The following SUCLA2 variants were observed in gnomAD, a reference collection of about 807,000 sequenced individuals.
SUCLA2 encodes the protein succinate--CoA ligase [ADP-forming] subunit beta, mitochondrial.
In SUCLA2, 30 loss-of-function variants were observed where a neutral mutation model predicts 54.8. The ratio of observed to expected loss-of-function variants is 0.55; its 90% CI spans 0.41 to 0.74. The LOEUF is 0.74. Ranked by LOEUF, SUCLA2 falls within the 30% of genes least tolerant of loss-of-function variation. The pLI is 0.00. For synonymous variants in SUCLA2, 172 were observed against 188.9 expected, an observed-to-expected ratio of 0.91 and a Z score of 0.74; for missense variants, 476 against 562.9, an observed-to-expected ratio of 0.85 and a Z score of 1.56.
intron 1 of SUCLA2, among the ~76,000 whole-genome samples, chr13:48,000,334 C>T (rs115745313): frequency 0.028 from 4,303 of 152,278 alleles, 96 homozygotes; most frequent in South Asian, 0.081. Flanking sequence ...CTCAAGTACA[C>T]GGCTTTAGAA....
intron 4 of SUCLA2, among the ~76,000 whole-genome samples, chr13:47,976,668 T>C (rs1950016202): frequency 6.6e-6 from 1 of 152,188 alleles, no homozygotes; most frequent in South Asian, 2.1e-4. Flanking sequence ...CCTGATTTTT[T>C]AACAGGTTGA....
chr13:47,947,820 C>G (rs1201575673), intron 10 of SUCLA2, among the ~76,000 whole-genome samples: 4 of 152,118 alleles, frequency 2.6e-5, no homozygotes, highest in Non-Finnish European at 4.4e-5. Context: ...AAAATCCAGA[C>G]TATGAGAAAC....
chr13:47,957,315 GCTTT>G (rs1325788295), intron 6 of SUCLA2, among the ~76,000 whole-genome samples: 2 of 152,192 alleles, frequency 1.3e-5, no homozygotes, highest in East Asian at 3.8e-4. Flanking sequence ...TCAGTAATTG[GCTTT>G]CTGTGTGGCG....
chr13:47,998,540 T>C (rs1168048206), intron 1 of SUCLA2, among the ~76,000 whole-genome samples: 1 of 152,162 alleles, frequency 6.6e-6, no homozygotes, highest in Non-Finnish European at 1.5e-5. Context: ...GTGGTATATG[T>C]ATATAATAGT....
At chr13:47,963,700 G>A (rs950958455) in intron 6 of SUCLA2, among the ~76,000 whole-genome samples, 29 of 151,882 alleles carry the variant, frequency 1.9e-4, no homozygotes, top group South Asian at 6.2e-4. Context: ...TTTTATGTAC[G>A]TGTACAAACA....
chr13:47,963,379 C>A (rs1949887821), intron 6 of SUCLA2, among the ~76,000 whole-genome samples: 1 of 152,190 alleles, frequency 6.6e-6, no homozygotes, highest in Non-Finnish European at 1.5e-5. Context: ...TGCAGTGGCT[C>A]ACGCCTGTAA....
At chr13:47,976,690 C>G (rs796675119) in intron 4 of SUCLA2, among the ~76,000 whole-genome samples, 4 of 152,306 alleles carry the variant, frequency 2.6e-5, no homozygotes, top group African/African-American at 9.6e-5. Flanking sequence ...TACTCCTCAT[C>G]TGAAATGCTT....
chr13:47,988,464 A>T, intron 4 of SUCLA2, 77 bp downstream of exon 4: 1 of 1,510,508 alleles, frequency 6.6e-7, no homozygotes, highest in Admixed American at 1.7e-5. Flanking sequence ...TTTCCCACAT[A>T]AATAGAAACA....
chr13:47,961,910 G>A (rs1347985650), intron 6 of SUCLA2, among the ~76,000 whole-genome samples: 1 of 152,130 alleles, frequency 6.6e-6, no homozygotes, highest in East Asian at 1.9e-4. Flanking sequence ...CTTCTTTGGA[G>A]GAGTTCATGA....
intron 6 of SUCLA2, 74 bp downstream of exon 6, chr13:47,968,521 T>A: frequency 6.4e-7 from 1 of 1,565,732 alleles, no homozygotes; most frequent in Non-Finnish European, 8.7e-7. Context: ...TTAACTTCTA[T>A]GATTTAACTT....
Position 47,973,377 on chromosome 13 carries a change from C to T in SUCLA2, c.550G>A (p.Gly184Arg). 3 of 1,613,504 alleles carry T rather than the reference C, an allele frequency of 1.9e-6. No individual in the cohort carries two copies. The highest frequency in any genetic ancestry group is 2.5e-6 in the Non-Finnish European group (3 of 1,179,898). Reference protein sequence around the residue: ...ERSFQGPVLIGSSHGGVNIED... With the variant: ...ERSFQGPVLIRSSHGGVNIED... ...ATGTTGACACCACCATGTGAACTTCCTATTAATACAGGACCCTGGCAAGGG... is the reference window on the plus strand; with the variant it reads ...ATGTTGACACCACCATGTGAACTTCTTATTAATACAGGACCCTGGCAAGGG... The change falls in exon 5 of 11, where the codon GGA (glycine) becomes AGA (arginine). Residue 184 changes from glycine to arginine, a missense_variant. Gly to Arg is a moderately radical substitution (Grantham distance 125, BLOSUM62 -2). Coordinates refer to ENST00000646932, the MANE Select transcript of SUCLA2 (RefSeq NM_003850.3).
chr13:47,950,779 T>C (rs1949769848), intron 8 of SUCLA2, among the ~76,000 whole-genome samples: 1 of 152,162 alleles, frequency 6.6e-6, no homozygotes, highest in South Asian at 2.1e-4. Flanking sequence ...GCTAGTAATG[T>C]TCTGGGGCAG....
chr13:47,954,086 G>A, intron 8 of SUCLA2, 54 bp downstream of exon 8: 1 of 1,320,076 alleles, frequency 7.6e-7, no homozygotes, highest in Non-Finnish European at 9.9e-7. Context: ...ATTTTTATAA[G>A]TATTTATTTT....
Position 47,996,873 on chromosome 13 carries a change from C to T in SUCLA2, c.241G>A (p.Asp81Asn). 6.2e-7 allele frequency: 1 copy of T among 1,613,824 alleles called. No homozygotes were observed. Among genetic ancestry groups the T allele is most frequent in the Admixed American group, 1.7e-5 (1 of 60,020 alleles). ...VPKGYVAKSP[D>N]EAYAIAKKLG... The stretch of plus-strand genomic sequence containing the variant: ...TTTTTGGCAATTGCATAAGCTTCAT[C>T]TGGTGACTTTGCCACATATCCTTTG... The change falls in exon 2 of 11, where the codon GAT becomes AAT. Residue 81 changes from aspartate (D) to asparagine (N), a missense_variant. By Grantham distance (23) the Asp-to-Asn change is conservative. Coordinates refer to ENST00000646932, the MANE Select transcript of SUCLA2 (RefSeq NM_003850.3).
At chr13:47,949,639 A>G (rs1366523227) in intron 8 of SUCLA2, 36 bp from the exon 9 acceptor site, 1 of 1,606,750 alleles carries the variant, frequency 6.2e-7, no homozygotes, top group Non-Finnish European at 8.5e-7. Context: ...TAAAATTTAA[A>G]AGAAATTTAA....
chr13:47,985,046 C>T (rs1174444348), intron 4 of SUCLA2, among the ~76,000 whole-genome samples: 1 of 152,182 alleles, frequency 6.6e-6, no homozygotes, highest in Non-Finnish European at 1.5e-5. Context: ...AAAGGTATCA[C>T]ACAGAGAGTA....
At position 47,996,997 on chromosome 13, in the gene SUCLA2, A is replaced by G; in HGVS notation, c.117T>C (p.Asn39=). ...GCTGCTGTACTTGGAGTCCATGGTT[A>G]TTAAACAATCCAGAACTTCCCAGAA... The part of the protein sequence containing the change: ...AQVLGSSGLF[N]NHGLQVQQQQ... The change falls in exon 2 of 11, where the codon AAT becomes AAC. Residue 39 remains asparagine, a synonymous_variant. Transcript: ENST00000646932. The G allele has an allele frequency of 6.2e-7, 1 of 1,614,114 alleles. No homozygotes were observed. Among genetic ancestry groups the G allele is most frequent in the South Asian group, 1.1e-5 (1 of 91,088 alleles).
intron 4 of SUCLA2, among the ~76,000 whole-genome samples, chr13:47,979,089 T>C (rs1487137222): frequency 1.3e-5 from 2 of 152,176 alleles, no homozygotes; most frequent in Non-Finnish European, 1.5e-5. Flanking sequence ...AGTTCCACCA[T>C]TGTGGAGGAC....
At chr13:47,976,638 C>T (rs1396939062) in intron 4 of SUCLA2, among the ~76,000 whole-genome samples, 1 of 152,168 alleles carries the variant, frequency 6.6e-6, no homozygotes, top group Non-Finnish European at 1.5e-5. Context: ...CTTGCTACAA[C>T]TAAGAAAACA....
Sources: allele counts gnomAD v4.1 joint callset (sites outside exome capture counted in the v4.1 genomes callset), GRCh38; gene constraint gnomAD v4.1.1; transcripts MANE v1.5; gene names NCBI Gene and HGNC (gene_info 2026-07-23, HGNC 2026-07-21).